The following CLIC4 variants were observed in gnomAD, a reference collection of about 807,000 sequenced individuals.
The protein encoded by CLIC4 is CLIC family member 4, also known as chloride intracellular channel protein 4.
Under a neutral mutation model 24.6 loss-of-function variants are expected in CLIC4, and 13 were observed. The observed-to-expected ratio is 0.53, with a 90% CI of 0.34 to 0.84. The LOEUF is 0.84. Among genes scored for constraint, CLIC4 ranks in the 40% least tolerant of loss-of-function variants. CLIC4 has a pLI of 0.01. For synonymous variants in CLIC4, 104 were observed against 111.3 expected (o/e 0.93, Z 0.41); for missense variants, 227 against 301.7 (o/e 0.75, Z 1.83).
intron 1 of CLIC4, among the ~76,000 whole-genome samples, chr1:24,755,996 ATTTTTTT>A (rs972121749): frequency 2.5e-4 from 16 of 63,392 alleles, no homozygotes; most frequent in Non-Finnish European, 5.0e-4. Flanking sequence ...TAATTTTTTG[ATTTTTTT>A]TTTTTTTTTT....
intron 3 of CLIC4, 147 bp from the exon 4 acceptor site, chr1:24,826,863 T>A: frequency 1.9e-6 from 1 of 524,392 alleles, no homozygotes; most frequent in Non-Finnish European, 3.4e-6. Flanking sequence ...AAACAGTTTT[T>A]AAAAATACCA....
intron 3 of CLIC4, among the ~76,000 whole-genome samples, chr1:24,822,316 G>A (rs1221902163): frequency 6.8e-6 from 1 of 147,386 alleles, no homozygotes; most frequent in Non-Finnish European, 1.5e-5. Context: ...ACCAAAGGTG[G>A]TTATTAAACT....
rs1639969921 is a variant in CLIC4, at chr1:24,844,135, T to C, written c.*3198T>C. ...AATGTTGAACAGAATTGGAGTATTT[T>C]CTTTATAATTTCTTGAACAGGCAAA... On this transcript the variant is annotated 3_prime_UTR_variant, in exon 6 of 6. Transcript: ENST00000374379. 1 of 152,666 alleles carries C rather than the reference T, an allele frequency of 6.6e-6. No individual in the cohort carries two copies. The highest frequency in any genetic ancestry group is 1.5e-5 in the Non-Finnish European group (1 of 68,028). The allele number at this position is 152,666 out of a possible 1,614,324, so 9.5% of individuals were successfully genotyped here. A position where few individuals can be genotyped will look rare whatever the true frequency, so the allele number is the denominator to read the frequency against.
rs925498098 is a variant in CLIC4 at position 24,759,985 on chromosome 1, C to CT, written c.72+14364dup. On this transcript the variant is annotated intron_variant, in intron 1 of 5. Transcript: ENST00000374379. Reference sequence around the variant, plus strand: ...CAAAAAAAAACCAAACCAAAACAAACTTTTATCTTTTCCCTCAATAATTAG... The same window carrying CT: ...CAAAAAAAAACCAAACCAAAACAAACTTTTTATCTTTTCCCTCAATAATTAG... Among the ~76,000 whole-genome samples the CT allele has an allele frequency of 7.2e-5, 11 of 152,158 alleles. No individual in the cohort carries two copies. The East Asian group carries it at 2.1e-3, about 29-fold the overall frequency.
intron 5 of CLIC4, among the ~76,000 whole-genome samples, chr1:24,840,269 A>G (rs1445409084): frequency 6.6e-6 from 1 of 152,230 alleles, no homozygotes; most frequent in East Asian, 1.9e-4. Context: ...ACTGCATACA[A>G]ATTCAAAGAT....
intron 1 of CLIC4, among the ~76,000 whole-genome samples, chr1:24,755,164 C>T (rs1288842382): frequency 6.6e-6 from 1 of 151,564 alleles, no homozygotes; most frequent in African/African-American, 2.4e-5. Flanking sequence ...GATGGGGTTT[C>T]ACCATGTTGG....
intron 1 of CLIC4, among the ~76,000 whole-genome samples, chr1:24,790,435 A>G (rs1407492587): frequency 6.6e-6 from 1 of 152,244 alleles, no homozygotes; most frequent in Non-Finnish European, 1.5e-5. Flanking sequence ...AAAAATAAAT[A>G]AATAAATTTA....
At chr1:24,787,006 G>A (rs1205774048) in intron 1 of CLIC4, among the ~76,000 whole-genome samples, 1 of 151,900 alleles carries the variant, frequency 6.6e-6, no homozygotes, top group East Asian at 1.9e-4. Context: ...CTGCAGCCTT[G>A]ACCTGCCAGG....
chr1:24,769,438 A>G (rs1271140690), intron 1 of CLIC4, among the ~76,000 whole-genome samples: 3 of 152,212 alleles, frequency 2.0e-5, no homozygotes, highest in Non-Finnish European at 4.4e-5. Flanking sequence ...TGTTTAACAC[A>G]TGAGAATTAG....
At chr1:24,836,828 A>G (rs1034699514) in intron 4 of CLIC4, among the ~76,000 whole-genome samples, 2 of 152,222 alleles carry the variant, frequency 1.3e-5, no homozygotes, top group African/African-American at 4.8e-5. Flanking sequence ...ATAGGAGTGA[A>G]ACCTTGTCTC....
chr1:24,799,621 G>C (rs1358445157), intron 2 of CLIC4, among the ~76,000 whole-genome samples: 2 of 143,784 alleles, frequency 1.4e-5, no homozygotes, highest in African/African-American at 5.5e-5. Context: ...CCCCCGCCCG[G>C]CCAGCCGCCC....
At chr1:24,772,822 T>G (rs1394776245) in intron 1 of CLIC4, among the ~76,000 whole-genome samples, 2 of 152,204 alleles carry the variant, frequency 1.3e-5, no homozygotes. Flanking sequence ...TAAAAATACA[T>G]AATCCAAAAT....
At chr1:24,770,898 G>T (rs372000315) in intron 1 of CLIC4, among the ~76,000 whole-genome samples, 1 of 152,140 alleles carries the variant, frequency 6.6e-6, no homozygotes, top group African/African-American at 2.4e-5. Context: ...TGGCTAAATG[G>T]TAATAGGATT....
intron 4 of CLIC4, among the ~76,000 whole-genome samples, chr1:24,835,985 A>T (rs997674951): frequency 6.6e-6 from 1 of 152,220 alleles, no homozygotes; most frequent in Non-Finnish European, 1.5e-5. Context: ...CTGTCTATCT[A>T]TGAAACACAC....
chr1:24,827,722 T>C (rs1305023540), intron 4 of CLIC4, among the ~76,000 whole-genome samples: 2 of 152,140 alleles, frequency 1.3e-5, no homozygotes. Flanking sequence ...AAGAGTTGTT[T>C]AGGTAGTACA....
chr1:24,783,913 C>CTACAGATAGCTGT, intron 1 of CLIC4, among the ~76,000 whole-genome samples: 1 of 151,934 alleles, frequency 6.6e-6, no homozygotes. Flanking sequence ...AAACAGTGAC[C>CTACAGATAGCTGT]AGTTACTGGC....
At position 24,840,117 on chromosome 1, in the gene CLIC4, C is replaced by T; in HGVS notation, c.597+76C>T. The T allele has an allele frequency of 2.2e-6, 3 of 1,357,392 alleles. No individual in the cohort carries two copies. In the South Asian group the frequency reaches 4.3e-5, roughly 19 times the overall value. The allele number at this position is 1,357,392 out of a possible 1,614,324, so 84.1% of individuals were successfully genotyped here. A position where few individuals can be genotyped will look rare whatever the true frequency, so the allele number is the denominator to read the frequency against. On this transcript the variant is annotated intron_variant, in intron 5 of 5. Coordinates refer to ENST00000374379, the MANE Select transcript of CLIC4 (RefSeq NM_013943.3). ...ACTAAAGTGGCATTTCCTTTGTGCT[C>T]AAAACATTTCTGATTTTATATGACT... is the stretch of plus-strand genomic sequence containing the variant.
intron 1 of CLIC4, among the ~76,000 whole-genome samples, chr1:24,761,250 A>T (rs1241789092): frequency 6.6e-6 from 1 of 152,150 alleles, no homozygotes; most frequent in Non-Finnish European, 1.5e-5. Context: ...TTAATACCTC[A>T]TAGAACCTAT....
chr1:24,796,780 A>G (rs1178702483), intron 1 of CLIC4, among the ~76,000 whole-genome samples: 4 of 152,088 alleles, frequency 2.6e-5, no homozygotes, highest in Non-Finnish European at 2.9e-5. Context: ...TTTAAAATAA[A>G]TGAAACAAAA....
Sources: gnomAD v4.1 joint callset for allele counts (sites outside exome capture counted in the v4.1 genomes callset) on GRCh38, gnomAD v4.1.1 for gene constraint, MANE v1.5 for transcripts, NCBI Gene and HGNC (gene_info 2026-07-23, HGNC 2026-07-21) for gene names.